Variants in HCK observed in about 807,000 individuals in gnomAD.
HCK encodes the protein tyrosine-protein kinase HCK.
Under a neutral mutation model 70.4 loss-of-function variants are expected in HCK, and 40 were observed. The observed-to-expected ratio is 0.57, with a 90% CI of 0.44 to 0.74. The LOEUF (loss-of-function observed/expected upper bound fraction) is 0.74, where lower values mean the gene tolerates loss of function less well. HCK is among the 30% of genes least tolerant of loss of function. The pLI is 0.00. For missense variants in HCK, 568 were observed against 697.2 expected, an observed-to-expected ratio of 0.81 and a Z score of 2.09; for synonymous variants, 245 against 263.2, an observed-to-expected ratio of 0.93 and a Z score of 0.67.
At chr20:32,079,346 T>C (rs976442616) in intron 5 of HCK, among the ~76,000 whole-genome samples, 2 of 152,210 alleles carry the variant, frequency 1.3e-5, no homozygotes, top group Non-Finnish European at 2.9e-5. Context: ...TGGTCTTGTA[T>C]GCTTGTGAAA....
chr20:32,082,405 G>A (rs2045720100), intron 6 of HCK, among the ~76,000 whole-genome samples: 1 of 152,108 alleles, frequency 6.6e-6, no homozygotes, highest in African/African-American at 2.4e-5. Context: ...AGTTTGGGAG[G>A]CTGAGGCATG....
intron 8 of HCK, 104 bp downstream of exon 8, chr20:32,084,647 G>A (rs1264786524): frequency 1.9e-6 from 2 of 1,030,388 alleles, no homozygotes; most frequent in Non-Finnish European, 2.8e-6. Flanking sequence ...GCTACCCAAG[G>A]CAGAGGGGGA....
At chr20:32,057,903 T>C (rs1430378288) in intron 1 of HCK, among the ~76,000 whole-genome samples, 4 of 152,122 alleles carry the variant, frequency 2.6e-5, no homozygotes, top group Non-Finnish European at 4.4e-5. Context: ...AAGCAGCCTG[T>C]GCTTAAGTGT....
At chr20:32,097,869 A>T (rs897573477) in intron 11 of HCK, among the ~76,000 whole-genome samples, 15 of 151,988 alleles carry the variant, frequency 9.9e-5, no homozygotes, top group African/African-American at 3.6e-4. Flanking sequence ...TAATTAAACT[A>T]AACACTTTTT....
intron 1 of HCK, among the ~76,000 whole-genome samples, chr20:32,057,985 G>A (rs576240532): frequency 1.5e-4 from 23 of 152,268 alleles, no homozygotes; most frequent in South Asian, 4.1e-4. Context: ...GCGCTAGGAC[G>A]TGCGCTCCTG....
intron 3 of HCK, 72 bp downstream of exon 3, chr20:32,073,433 T>C: frequency 7.4e-7 from 1 of 1,343,748 alleles, no homozygotes; most frequent in Non-Finnish European, 1.0e-6. Flanking sequence ...TCCCTTAGCT[T>C]GAGGCATAAA....
At chr20:32,097,277 C>A (rs1240838870) in intron 11 of HCK, among the ~76,000 whole-genome samples, 1 of 150,340 alleles carries the variant, frequency 6.7e-6, no homozygotes, top group Admixed American at 6.6e-5. Context: ...AAGACTTTGT[C>A]TCAAAAAAGT....
intron 6 of HCK, among the ~76,000 whole-genome samples, chr20:32,082,656 TAA>T (rs1179824546): frequency 4.0e-5 from 6 of 151,888 alleles, no homozygotes; most frequent in African/African-American, 1.5e-4. Flanking sequence ...ACACAAAAAA[TAA>T]AGTTTAAACT....
At position 32,084,025 on chromosome 20, in the gene HCK, C is replaced by A. The variant is rs771645978; in HGVS notation, c.664C>A (p.Leu222Met). Residue 222 changes from leucine to methionine, a missense_variant, in exon 7 of 13, where the codon CTG becomes ATG. Coordinates refer to ENST00000375852, the MANE Select transcript of HCK (RefSeq NM_002110.5). ...AAGCACCTTCAGCACTCTGCAGGAG[C>A]TGGTGGACCACTACAAGAGTGAGTC... 1.3e-4 allele frequency: 214 copies of A among 1,613,790 alleles called. No individual in the cohort carries two copies. Among genetic ancestry groups the A allele is most frequent in the Non-Finnish European group, 1.8e-4 (212 of 1,180,034 alleles).
At chr20:32,100,506 A>G (rs1270643408) in intron 12 of HCK, among the ~76,000 whole-genome samples, 1 of 152,204 alleles carries the variant, frequency 6.6e-6, no homozygotes, top group Non-Finnish European at 1.5e-5. Flanking sequence ...CTGGCTTTGC[A>G]CCACAGGGTG....
chr20:32,101,344 C>T lies in HCK; in HGVS notation c.1406C>T (p.Ala469Val). The change falls in exon 13 of 13, where the codon GCT becomes GTT. Residue 469 changes from alanine (A) to valine (V), a missense_variant. Around this residue, in one of 4 missense-constraint regions of HCK, gnomAD observed 77 missense variants for 85.0 expected, o/e 0.91. Coordinates refer to ENST00000375852, the MANE Select transcript of HCK (RefSeq NM_002110.5). ...ATGTCAAACCCTGAAGTGATCCGAG[C>T]TCTGGAGCGTGGATACCGGATGCCT... The T allele has an allele frequency of 6.2e-7, 1 of 1,614,192 alleles. No individual in the cohort carries two copies. The highest frequency in any genetic ancestry group is 1.1e-5 in the South Asian group (1 of 91,072).
chr20:32,059,219 A>G lies in HCK; in HGVS notation c.62+6733A>G, dbSNP rs117351131. Reference sequence around the variant, plus strand: ...TATCTGGGTGGGGAAAGAGGTGGCCATGGAGGGCTTATAGAATGAGTAATC... The same window carrying G: ...TATCTGGGTGGGGAAAGAGGTGGCCGTGGAGGGCTTATAGAATGAGTAATC... On this transcript the variant is annotated intron_variant, in intron 1 of 12. Transcript: ENST00000375852. Among the ~76,000 whole-genome samples, 1,060 of 152,290 alleles carry G rather than the reference A, an allele frequency of 7.0e-3. 4 individuals carry two copies. The highest frequency in any genetic ancestry group is 0.01 in the Non-Finnish European group (686 of 68,020).
At chr20:32,091,120 G>C (rs1225399343) in intron 10 of HCK, among the ~76,000 whole-genome samples, 1 of 152,204 alleles carries the variant, frequency 6.6e-6, no homozygotes, top group African/African-American at 2.4e-5. Flanking sequence ...TCCAGCTCCA[G>C]AGCCATTTAG....
intron 4 of HCK, 134 bp from the exon 5 acceptor site, chr20:32,074,489 A>T: frequency 1.5e-6 from 1 of 680,118 alleles, no homozygotes; most frequent in Non-Finnish European, 2.7e-6. Flanking sequence ...TGGGGCTGAC[A>T]TAGTCACAGC....
At chr20:32,066,404 C>T (rs549417167) in intron 1 of HCK, among the ~76,000 whole-genome samples, 1 of 141,438 alleles carries the variant, frequency 7.1e-6, no homozygotes, top group Admixed American at 7.8e-5. Context: ...CTCTGCTTCC[C>T]GGGTTCAAGC....
At chr20:32,075,412 A>C (rs1245162817) in intron 5 of HCK, among the ~76,000 whole-genome samples, 5 of 152,008 alleles carry the variant, frequency 3.3e-5, no homozygotes, top group African/African-American at 1.2e-4. Flanking sequence ...TGTGTTGCCC[A>C]GGCTGGTCTC....
chr20:32,074,419 A>T (rs1263896694), intron 4 of HCK, among the ~76,000 whole-genome samples: 1 of 151,478 alleles, frequency 6.6e-6, no homozygotes, highest in Non-Finnish European at 1.5e-5. Flanking sequence ...GAGATTCCAG[A>T]CCCTCAGATG....
Position 32,052,498 on chromosome 20 carries a change from G to C in HCK, c.62+12G>C. ...GAGCGGGCGCCCAGGTGAGTGCCGCGCACAGGGGACCGGGAATACCCGGCC... is the reference window on the plus strand; with the variant it reads ...GAGCGGGCGCCCAGGTGAGTGCCGCCCACAGGGGACCGGGAATACCCGGCC... On this transcript the variant is annotated intron_variant, in intron 1 of 12. Transcript: ENST00000375852. 1.6e-6 allele frequency: 2 copies of C among 1,264,456 alleles called. No homozygotes were observed. Among genetic ancestry groups the C allele is most frequent in the East Asian group, 6.3e-5 (2 of 31,858 alleles). The allele number at this position is 1,264,456 out of a possible 1,614,324, so 78.3% of individuals were successfully genotyped here. A position where few individuals can be genotyped will look rare whatever the true frequency, so the allele number is the denominator to read the frequency against.
intron 12 of HCK, among the ~76,000 whole-genome samples, chr20:32,099,714 ATC>A (rs2122258711): frequency 6.6e-6 from 1 of 152,132 alleles, no homozygotes; most frequent in East Asian, 1.9e-4. Flanking sequence ...TCCAAAACAT[ATC>A]CCAAGTCTCA....
Sources: gnomAD v4.1 joint callset for allele counts (sites outside exome capture counted in the v4.1 genomes callset) on GRCh38, gnomAD v4.1.1 for gene constraint, gnomAD v4.1.1 regional missense constraint, MANE v1.5 for transcripts, NCBI Gene and HGNC (gene_info 2026-07-23, HGNC 2026-07-21) for gene names.